Variants in TENM2 observed in about 807,000 individuals in gnomAD.
TENM2 encodes the protein teneurin transmembrane protein 2.
TENM2 carries 52 observed loss-of-function variants against 245.2 expected under a neutral mutation model. That is an observed-to-expected ratio of 0.21 (90% confidence interval 0.17 to 0.27). The LOEUF (loss-of-function observed/expected upper bound fraction) is 0.27, where lower values mean the gene tolerates loss of function less well. Ranked by LOEUF, TENM2 falls within the 10% of genes least tolerant of loss-of-function variation. TENM2 has a pLI of 1.00. For synonymous variants in TENM2, 1,363 were observed against 1,438.9 expected (o/e 0.95, Z 1.19); for missense variants, 3,046 against 3,666.8 (o/e 0.83, Z 4.37).
At chr5:167,085,223 G>C in the TENM2 span, among the ~76,000 whole-genome samples, 1 of 152,104 alleles carries the variant, frequency 6.6e-6, no homozygotes, top group Non-Finnish European at 1.5e-5. Flanking sequence ...CAAAGGGGAG[G>C]AGTTTTTAAA....
intron 2 of TENM2, among the ~76,000 whole-genome samples, chr5:167,553,793 A>C (rs1439077374): frequency 6.6e-6 from 1 of 152,112 alleles, no homozygotes; most frequent in Admixed American, 6.5e-5. Flanking sequence ...AGAGGGGTTG[A>C]CATTGATGGA....
chr5:168,079,872 G>C (rs1175228989), intron 7 of TENM2, among the ~76,000 whole-genome samples: 1 of 152,218 alleles, frequency 6.6e-6, no homozygotes, highest in Non-Finnish European at 1.5e-5. Context: ...GTTCATCAGG[G>C]ATGTTGGTCT....
the TENM2 span, among the ~76,000 whole-genome samples, chr5:167,238,426 T>G: frequency 1.1e-4 from 17 of 152,296 alleles, no homozygotes; most frequent in Middle Eastern, 3.4e-3. Context: ...TATTTCCTGC[T>G]TCTCCCCTGG....
In TENM2 at chr5:168,165,780, G is replaced by T. The variant is rs13160382; in HGVS notation, c.2569+3023G>T. The T allele has an allele frequency of 9.7e-3, 1,397 of 144,176 alleles. 8 individuals are homozygous for T. Among genetic ancestry groups the T allele is most frequent in the South Asian group, 0.038 (166 of 4,394 alleles). 8.9% of individuals were successfully genotyped at this position (144,176 alleles called of 1,614,324 possible). A position where few individuals can be genotyped will look rare whatever the true frequency, so the allele number is the denominator to read the frequency against. ...GGAACTGTTAAAGCAAACCTCCCAA[G>T]GAAGTAATTAACCACAAAGAAAAAA... On this transcript the variant is annotated intron_variant, in intron 13 of 28. Transcript: ENST00000518659.
intron 7 of TENM2, among the ~76,000 whole-genome samples, chr5:168,080,149 T>C (rs1433862428): frequency 1.3e-5 from 2 of 152,188 alleles, no homozygotes; most frequent in Non-Finnish European, 2.9e-5. Flanking sequence ...TCTTCCTGGT[T>C]TAGTCTTGGG....
intron 5 of TENM2, among the ~76,000 whole-genome samples, chr5:168,022,295 T>C (rs1342122775): frequency 6.6e-6 from 1 of 152,246 alleles, no homozygotes; most frequent in African/African-American, 2.4e-5. Flanking sequence ...ATTTGCTCTC[T>C]GCTCTGAGGG....
At chr5:168,089,631 TA>T (rs1792751658) in intron 7 of TENM2, among the ~76,000 whole-genome samples, 1 of 152,172 alleles carries the variant, frequency 6.6e-6, no homozygotes, top group Non-Finnish European at 1.5e-5. Flanking sequence ...GGCATGAACA[TA>T]AACACCAAGC....
intron 2 of TENM2, among the ~76,000 whole-genome samples, chr5:167,405,612 C>G (rs904622477): frequency 6.6e-6 from 1 of 151,984 alleles, no homozygotes; most frequent in Non-Finnish European, 1.5e-5. Flanking sequence ...AGAGACATCT[C>G]TTCGTATTGA....
intron 6 of TENM2, among the ~76,000 whole-genome samples, chr5:168,057,921 A>ACTCT (rs58072390): frequency 5.3e-5 from 8 of 150,232 alleles, no homozygotes; most frequent in Admixed American, 2.7e-4. Context: ...ATATGGCTTT[A>ACTCT]CTCTCTCTCT....
intron 2 of TENM2, among the ~76,000 whole-genome samples, chr5:167,654,209 T>G (rs1405774863): frequency 6.6e-6 from 1 of 152,136 alleles, no homozygotes; most frequent in Non-Finnish European, 1.5e-5. Context: ...ATGTATGCTG[T>G]TCAACCTCAT....
the TENM2 span, among the ~76,000 whole-genome samples, chr5:166,994,574 CCCTTTT>C: frequency 2.0e-5 from 3 of 152,126 alleles, no homozygotes; most frequent in Non-Finnish European, 4.4e-5. Flanking sequence ...CCAGGAGTGT[CCCTTTT>C]TAGATATGCA....
the TENM2 span, among the ~76,000 whole-genome samples, chr5:167,170,075 T>C: frequency 6.6e-6 from 1 of 152,236 alleles, no homozygotes; most frequent in Non-Finnish European, 1.5e-5. Context: ...CTCCTGCTCA[T>C]GTGAAACGGG....
intron 1 of TENM2, among the ~76,000 whole-genome samples, chr5:167,299,234 A>C (rs1755157624): frequency 6.6e-6 from 1 of 152,172 alleles, no homozygotes. Context: ...GGCTGATTTG[A>C]CTAATAAAGG....
chr5:166,980,790 G>A, the TENM2 span, among the ~76,000 whole-genome samples: 1 of 152,142 alleles, frequency 6.6e-6, no homozygotes, highest in Admixed American at 6.5e-5. Flanking sequence ...TCATCATCCT[G>A]AGAAACCCTG....
intron 12 of TENM2, among the ~76,000 whole-genome samples, chr5:168,148,812 GATTTAGACAGA>G (rs1340232154): frequency 6.6e-6 from 1 of 151,948 alleles, no homozygotes; most frequent in African/African-American, 2.4e-5. Flanking sequence ...ATCTTCACAG[GATTTAGACAGA>G]TTTTTGGTAA....
At chr5:167,492,756 A>C (rs1768516239) in intron 2 of TENM2, among the ~76,000 whole-genome samples, 1 of 152,140 alleles carries the variant, frequency 6.6e-6, no homozygotes, top group Non-Finnish European at 1.5e-5. Flanking sequence ...GTGGTGGCCA[A>C]TGTGAGGAAG....
the TENM2 span, among the ~76,000 whole-genome samples, chr5:167,089,726 G>A: frequency 6.6e-6 from 1 of 152,154 alleles, no homozygotes; most frequent in Non-Finnish European, 1.5e-5. Context: ...AGGAATTAAA[G>A]ACAGAAGAGA....
intron 2 of TENM2, among the ~76,000 whole-genome samples, chr5:167,434,017 T>C (rs545469569): frequency 4.6e-5 from 7 of 152,320 alleles, no homozygotes; most frequent in Non-Finnish European, 8.8e-5. Flanking sequence ...AAAAATTTAA[T>C]ATGAAAATGA....
At chr5:168,248,393 G>A (rs1192276589) in intron 27 of TENM2, 22 bp downstream of exon 29, 4 of 1,598,912 alleles carry the variant, frequency 2.5e-6, no homozygotes, top group African/African-American at 1.3e-5. Flanking sequence ...GCCACCAAAG[G>A]TGGGCAGTGG....
Sources: gnomAD v4.1 joint callset for allele counts (sites outside exome capture counted in the v4.1 genomes callset) on GRCh38, gnomAD v4.1.1 for gene constraint, MANE v1.5 for transcripts, NCBI Gene and HGNC (gene_info 2026-07-23, HGNC 2026-07-21) for gene names.